The following GALNT13 variants were observed in gnomAD, a reference collection of about 807,000 sequenced individuals.
GALNT13 encodes UDP-GalNAc:polypeptide N-acetylgalactosaminyltransferase 13.
Under a neutral mutation model 64.2 loss-of-function variants are expected in GALNT13, and 28 were observed. That is an observed-to-expected ratio of 0.44 (90% CI 0.32 to 0.60). The LOEUF (loss-of-function observed/expected upper bound fraction) is 0.60, where lower values mean the gene tolerates loss of function less well. GALNT13 is among the 20% of genes least tolerant of loss of function. The pLI is 0.05. For synonymous variants in GALNT13, 214 were observed against 224.6 expected (o/e 0.95, Z 0.42); for missense variants, 577 against 669.8 (o/e 0.86, Z 1.53).
chr2:153,866,463 G>T, the GALNT13 span, among the ~76,000 whole-genome samples: 1 of 152,046 alleles, frequency 6.6e-6, no homozygotes. Flanking sequence ...CTATATAGTG[G>T]AGAAAATATA....
the GALNT13 span, among the ~76,000 whole-genome samples, chr2:153,709,775 G>GTATATATA: frequency 5.3e-5 from 8 of 151,322 alleles, no homozygotes; most frequent in African/African-American, 1.7e-4. Context: ...AGAAAATGTG[G>GTATATATA]TATATATATA....
the GALNT13 span, among the ~76,000 whole-genome samples, chr2:153,452,177 C>G: frequency 2.6e-5 from 4 of 152,182 alleles, no homozygotes; most frequent in African/African-American, 9.7e-5. Context: ...CCAACTGATG[C>G]TGTGGCCCAA....
chr2:154,334,803 G>A (rs1351721187), intron 9 of GALNT13, among the ~76,000 whole-genome samples: 3 of 151,950 alleles, frequency 2.0e-5, no homozygotes, highest in Non-Finnish European at 4.4e-5. Context: ...CCATGTAACA[G>A]CCAGAGTGAT....
chr2:154,309,197 T>G (rs949377681), intron 9 of GALNT13, among the ~76,000 whole-genome samples: 1 of 152,210 alleles, frequency 6.6e-6, no homozygotes, highest in Non-Finnish European at 1.5e-5. Flanking sequence ...AGAATTAATA[T>G]GATTCTTAGG....
the GALNT13 span, among the ~76,000 whole-genome samples, chr2:153,797,323 C>T: frequency 6.6e-6 from 1 of 152,142 alleles, no homozygotes; most frequent in African/African-American, 2.4e-5. Context: ...TGCTATATTT[C>T]CATAAATGGT....
intron 8 of GALNT13, among the ~76,000 whole-genome samples, chr2:154,300,979 A>G (rs1693408979): frequency 6.6e-6 from 1 of 152,208 alleles, no homozygotes; most frequent in Non-Finnish European, 1.5e-5. Context: ...TGCAAGGTAT[A>G]TGACCAGCTT....
the GALNT13 span, among the ~76,000 whole-genome samples, chr2:153,164,879 G>A: frequency 6.6e-6 from 1 of 152,160 alleles, no homozygotes; most frequent in African/African-American, 2.4e-5. Flanking sequence ...TGCCTGCCAA[G>A]GAGACTGCCC....
chr2:153,629,035 G>T, the GALNT13 span, among the ~76,000 whole-genome samples: 2 of 152,060 alleles, frequency 1.3e-5, no homozygotes, highest in Non-Finnish European at 2.9e-5. Flanking sequence ...CCTGTTATTG[G>T]TCTATTCAGA....
Position 154,407,325 on chromosome 2 carries a change from T to C in GALNT13, c.1297-1659T>C, listed in dbSNP as rs11691707. ...TTTTAGGAACTAAATAGCAATAATG[T>C]ATAATCTTATTTTCAAGAAATCTTC... On this transcript the variant is annotated intron_variant, in intron 10 of 12. Coordinates refer to ENST00000392825, the MANE Select transcript of GALNT13 (RefSeq NM_052917.4). Among the ~76,000 whole-genome samples the C allele has an allele frequency of 6.5e-3, 986 of 152,306 alleles. 4 individuals carry two copies. Among genetic ancestry groups the C allele is most frequent in the South Asian group, 0.018 (85 of 4,832 alleles).
At chr2:154,390,854 A>G (rs950479500) in intron 9 of GALNT13, among the ~76,000 whole-genome samples, 1 of 152,162 alleles carries the variant, frequency 6.6e-6, no homozygotes, top group Admixed American at 6.5e-5. Flanking sequence ...AATTTTTGCC[A>G]CAGCGTGTGT....
intron 4 of GALNT13, among the ~76,000 whole-genome samples, chr2:154,215,148 A>T (rs1687976035): frequency 6.6e-6 from 1 of 152,174 alleles, no homozygotes; most frequent in African/African-American, 2.4e-5. Context: ...GCACACATGG[A>T]TCCAGCTGTG....
intron 3 of GALNT13, among the ~76,000 whole-genome samples, chr2:153,994,836 A>G (rs1476457796): frequency 1.3e-5 from 2 of 151,988 alleles, no homozygotes; most frequent in Non-Finnish European, 2.9e-5. Context: ...TCAGATGAGT[A>G]GATTGCAAAA....
At chr2:153,924,213 A>ACCCCCCCCCC (rs1689953321) in intron 2 of GALNT13, among the ~76,000 whole-genome samples, 2 of 90,680 alleles carry the variant, frequency 2.2e-5, no homozygotes, top group Non-Finnish European at 4.5e-5. Context: ...CCCTCTTCCC[A>ACCCCCCCCCC]CCCCCACCCT....
chr2:153,960,254 T>A (rs1230530770), intron 3 of GALNT13, among the ~76,000 whole-genome samples: 1 of 152,230 alleles, frequency 6.6e-6, no homozygotes, highest in Non-Finnish European at 1.5e-5. Context: ...TGCTGACTGC[T>A]GCCTCATTAA....
At chr2:153,668,867 AG>A in the GALNT13 span, among the ~76,000 whole-genome samples, 6 of 152,196 alleles carry the variant, frequency 3.9e-5, no homozygotes, top group Non-Finnish European at 8.8e-5. Context: ...AAACATCTAC[AG>A]GGGAGCATGG....
Position 153,895,986 on chromosome 2 carries a change from T to C in GALNT13, c.-176-4950T>C, listed in dbSNP as rs145238663. Among the ~76,000 whole-genome samples, 628 of 149,098 alleles carry C rather than the reference T, an allele frequency of 4.2e-3. 5 individuals carry two copies. Among genetic ancestry groups the C allele is most frequent in the African/African-American group, 0.015 (599 of 40,326 alleles). ...AATTCACAATTAAGTAAAAAGAGAA[T>C]ATAATCATAAAATAGTTTGTATGAT... On this transcript the variant is annotated intron_variant, in intron 1 of 12. Transcript: ENST00000392825.
chr2:154,439,835 C>A (rs1341452695), intron 12 of GALNT13, among the ~76,000 whole-genome samples: 1 of 152,116 alleles, frequency 6.6e-6, no homozygotes, highest in Admixed American at 6.5e-5. Flanking sequence ...GACACAAAAT[C>A]ATCTTCTGGG....
At chr2:153,777,753 T>C in the GALNT13 span, among the ~76,000 whole-genome samples, 1 of 152,118 alleles carries the variant, frequency 6.6e-6, no homozygotes, top group East Asian at 1.9e-4. Context: ...CAGCAGTGTC[T>C]AGGGGTGGAT....
rs569648927 is a variant in GALNT13, at chr2:154,302,276, A to G, written c.1156+687A>G. On this transcript the variant is annotated intron_variant, in intron 9 of 12. Transcript: ENST00000392825. ...AATTTTCTAGATTTCTGCAATAGCT[A>G]CATTACTTAAAACAAAAAAAGCCAA... Among the ~76,000 whole-genome samples the G allele has an allele frequency of 2.8e-4, 43 of 152,274 alleles. No individual in the cohort carries two copies. The South Asian group carries it at 8.5e-3, about 30-fold the overall frequency.
Sources: allele counts gnomAD v4.1 joint callset (sites outside exome capture counted in the v4.1 genomes callset), GRCh38; gene constraint gnomAD v4.1.1; transcripts MANE v1.5; gene names NCBI Gene and HGNC (gene_info 2026-07-23, HGNC 2026-07-21).